Variants in ANKS1B observed in about 807,000 individuals in gnomAD.
ANKS1B encodes ankyrin repeat and sterile alpha motif domain containing 1B, also known as ankyrin repeat and sterile alpha motif domain-containing protein 1B.
In ANKS1B, 36 loss-of-function variants were observed where a neutral mutation model predicts 148.3. That is an observed-to-expected ratio of 0.24 (90% CI 0.19 to 0.32). ANKS1B has a LOEUF of 0.32. Among genes scored for constraint, ANKS1B ranks in the 10% least tolerant of loss-of-function variants. The pLI is 1.00. For synonymous variants in ANKS1B, 542 were observed against 560.8 expected (o/e 0.97, Z 0.47); for missense variants, 1,157 against 1,542.6 (o/e 0.75, Z 4.19).
rs2099005048 is a variant in ANKS1B, at chr12:98,801,544, C to A, written c.3142-419G>T. ...ACACAGTTCTATAAATTTCAGTTCCCAAATATGACATGTACTAGCCACTTT... is the reference window on the plus strand; with the variant it reads ...ACACAGTTCTATAAATTTCAGTTCCAAAATATGACATGTACTAGCCACTTT... On this transcript the variant is annotated intron_variant, in intron 20 of 26. Coordinates refer to ENST00000683438, the MANE Select transcript of ANKS1B (RefSeq NM_001352186.2). The surrounding 1 kb of genome is among the most constrained non-coding windows in gnomAD (Gnocchi z 5.2). 1.3e-5 allele frequency among the ~76,000 whole-genome samples: 2 copies of A among 152,236 alleles called. No individual in the cohort carries two copies. The highest frequency in any genetic ancestry group is 4.8e-5 in the African/African-American group (2 of 41,556).
chr12:99,747,983 C>CT lies in ANKS1B; in HGVS notation c.1128+24938dup, dbSNP rs554072608. Reference sequence around the variant, plus strand: ...TTCTTTTTCCTTCTATATTGAAGCACTTTTGGCCTCATGTGTTCACTTTCT... The same window carrying CT: ...TTCTTTTTCCTTCTATATTGAAGCACTTTTTGGCCTCATGTGTTCACTTTCT... On this transcript the variant is annotated intron_variant, in intron 8 of 26. Transcript: ENST00000683438. Among the ~76,000 whole-genome samples the CT allele has an allele frequency of 1.4e-3, 211 of 151,886 alleles. 7 individuals are homozygous for CT. The East Asian group carries it at 0.038, about 27-fold the overall frequency.
At chr12:99,710,941 T>C (rs2056549661) in intron 8 of ANKS1B, among the ~76,000 whole-genome samples, 2 of 152,118 alleles carry the variant, frequency 1.3e-5, no homozygotes, top group African/African-American at 4.8e-5. Context: ...TAATTCCTTT[T>C]TTTAAATAAT....
At chr12:99,737,958 G>A (rs1396310342) in intron 8 of ANKS1B, among the ~76,000 whole-genome samples, 1 of 152,060 alleles carries the variant, frequency 6.6e-6, no homozygotes, top group Non-Finnish European at 1.5e-5. Flanking sequence ...AGACATTCTA[G>A]TATTGTCAAT....
intron 14 of ANKS1B, among the ~76,000 whole-genome samples, chr12:99,158,264 C>T (rs1461499346): frequency 6.6e-6 from 1 of 152,108 alleles, no homozygotes; most frequent in African/African-American, 2.4e-5. Context: ...TAAAGCATAA[C>T]AACACACTAA....
intron 12 of ANKS1B, among the ~76,000 whole-genome samples, chr12:99,369,804 AGACG>A (rs1035188552): frequency 8.9e-4 from 103 of 115,446 alleles, no homozygotes; most frequent in South Asian, 5.9e-3. Context: ...ACGGACGGAC[AGACG>A]GACGGACGGA....
chr12:99,869,970 C>T lies in ANKS1B; in HGVS notation c.135-44581G>A, dbSNP rs149448296. On this transcript the variant is annotated intron_variant, in intron 1 of 26. Transcript: ENST00000683438. ...ATAATTTCAACTTTTATTTTAGATT[C>T]GGGGTAGATGTACAGATTTATTACA... Among the ~76,000 whole-genome samples the T allele has an allele frequency of 7.8e-4, 119 of 151,644 alleles. 1 individual carries two copies. The highest frequency in any genetic ancestry group is 2.1e-3 in the African/African-American group (88 of 41,320).
intron 15 of ANKS1B, among the ~76,000 whole-genome samples, chr12:99,099,444 C>A (rs2057322800): frequency 6.6e-6 from 1 of 152,184 alleles, no homozygotes; most frequent in African/African-American, 2.4e-5. Flanking sequence ...GTGTTGGGGG[C>A]CTGGCAGTGG....
At chr12:99,524,836 C>A (rs1272908296) in intron 9 of ANKS1B, among the ~76,000 whole-genome samples, 1 of 152,130 alleles carries the variant, frequency 6.6e-6, no homozygotes, top group Non-Finnish European at 1.5e-5. Context: ...GGGGAACTGC[C>A]CCCATAATTC....
At chr12:98,921,074 G>A (rs1035509031) in intron 17 of ANKS1B, among the ~76,000 whole-genome samples, 1 of 152,140 alleles carries the variant, frequency 6.6e-6, no homozygotes, top group Non-Finnish European at 1.5e-5. Context: ...CTTATTAAAA[G>A]TATGTCTTTC....
chr12:99,555,999 G>A (rs980801655), intron 9 of ANKS1B, among the ~76,000 whole-genome samples: 3 of 152,130 alleles, frequency 2.0e-5, no homozygotes, highest in Non-Finnish European at 2.9e-5. Context: ...AATATTTTCT[G>A]TAGGAATGGT....
intron 14 of ANKS1B, among the ~76,000 whole-genome samples, chr12:99,217,947 A>G (rs892247139): frequency 6.6e-6 from 1 of 152,258 alleles, no homozygotes; most frequent in South Asian, 2.1e-4. Flanking sequence ...CCAATCTATA[A>G]TCTTTTCACT....
At chr12:98,868,077 G>C (rs2099634738) in intron 17 of ANKS1B, among the ~76,000 whole-genome samples, 1 of 152,026 alleles carries the variant, frequency 6.6e-6, no homozygotes, top group Non-Finnish European at 1.5e-5. Flanking sequence ...TGTCTCCTCT[G>C]TTTGTCTATC....
At chr12:99,797,283 G>A (rs548422824) in intron 4 of ANKS1B, among the ~76,000 whole-genome samples, 5 of 151,992 alleles carry the variant, frequency 3.3e-5, no homozygotes, top group South Asian at 2.1e-4. Context: ...GACAGAGTCC[G>A]TGTCTAATTG....
At chr12:99,946,548 A>T (rs1050955346) in intron 1 of ANKS1B, among the ~76,000 whole-genome samples, 1 of 152,090 alleles carries the variant, frequency 6.6e-6, no homozygotes, top group African/African-American at 2.4e-5. Context: ...ATTATATCTC[A>T]AAGGCCCCAT....
At chr12:99,690,625 C>A (rs116018618) in intron 8 of ANKS1B, among the ~76,000 whole-genome samples, 1 of 152,326 alleles carries the variant, frequency 6.6e-6, no homozygotes, top group Admixed American at 6.5e-5. Context: ...TTTGACTCCA[C>A]GTCTCACATC....
chr12:99,421,852 T>G (rs977922228), intron 11 of ANKS1B, among the ~76,000 whole-genome samples: 2 of 152,162 alleles, frequency 1.3e-5, no homozygotes, highest in Non-Finnish European at 2.9e-5. Flanking sequence ...AAATCCTTCA[T>G]GTCTTGGTGC....
At chr12:99,534,422 A>C (rs2097039737) in intron 9 of ANKS1B, among the ~76,000 whole-genome samples, 1 of 152,240 alleles carries the variant, frequency 6.6e-6, no homozygotes, top group Non-Finnish European at 1.5e-5. Flanking sequence ...TAAAAGATGA[A>C]AGTTACTTGA....
chr12:99,266,892 A>C (rs1224752779), intron 12 of ANKS1B, among the ~76,000 whole-genome samples: 2 of 152,194 alleles, frequency 1.3e-5, no homozygotes, highest in Non-Finnish European at 1.5e-5. Context: ...GATGTTTGCT[A>C]GGTAGCTGAG....
chr12:99,461,537 A>T (rs146848510), intron 10 of ANKS1B, among the ~76,000 whole-genome samples: 1 of 152,324 alleles, frequency 6.6e-6, no homozygotes, highest in East Asian at 1.9e-4. Flanking sequence ...AAATTCCAGT[A>T]GTATTCCTTC....
Sources: gnomAD v4.1 joint callset for allele counts (sites outside exome capture counted in the v4.1 genomes callset) on GRCh38, gnomAD v4.1.1 for gene constraint, Gnocchi (gnomAD v3.1) non-coding constraint, MANE v1.5 for transcripts, NCBI Gene and HGNC (gene_info 2026-07-23, HGNC 2026-07-21) for gene names.